CNTNAP5: variants seen among roughly 807,000 people sequenced by gnomAD.
The protein encoded by CNTNAP5 is contactin-associated protein-like 5.
CNTNAP5 carries 72 observed loss-of-function variants against 150.2 expected under a neutral mutation model. The observed-to-expected ratio is 0.48, with a 90% CI of 0.40 to 0.58. The LOEUF is 0.58. CNTNAP5 is among the 20% of genes least tolerant of loss of function. The pLI, the probability that CNTNAP5 is intolerant of heterozygous loss-of-function variation, is 0.00. For synonymous variants in CNTNAP5, 672 were observed against 619.8 expected, an observed-to-expected ratio of 1.08 and a Z score of -1.25; for missense variants, 1,636 against 1,626.2, an observed-to-expected ratio of 1.01 and a Z score of -0.10.
intron 4 of CNTNAP5, among the ~76,000 whole-genome samples, chr2:124,428,444 A>G (rs141116711): frequency 6.6e-6 from 1 of 152,270 alleles, no homozygotes; most frequent in African/African-American, 2.4e-5. Flanking sequence ...ATAAAAAAGG[A>G]TAGAGGGTTT....
At chr2:124,552,450 A>G (rs1395525498) in intron 10 of CNTNAP5, among the ~76,000 whole-genome samples, 1 of 152,188 alleles carries the variant, frequency 6.6e-6, no homozygotes, top group Non-Finnish European at 1.5e-5. Flanking sequence ...TGGATTGCCC[A>G]CGCTCAGATA....
intron 7 of CNTNAP5, among the ~76,000 whole-genome samples, chr2:124,485,351 C>T (rs545475256): frequency 2.0e-5 from 3 of 152,190 alleles, no homozygotes; most frequent in South Asian, 4.2e-4. Context: ...CGGTGGCTCA[C>T]GCCTGTAATC....
At chr2:124,387,513 C>T (rs1573959962) in intron 3 of CNTNAP5, among the ~76,000 whole-genome samples, 3 of 152,076 alleles carry the variant, frequency 2.0e-5, no homozygotes, top group South Asian at 4.2e-4. Context: ...TTGGGTTAGG[C>T]GGTGAAGTTA....
intron 12 of CNTNAP5, among the ~76,000 whole-genome samples, chr2:124,638,444 T>G (rs928601098): frequency 6.6e-6 from 1 of 152,148 alleles, no homozygotes; most frequent in Non-Finnish European, 1.5e-5. Flanking sequence ...AGAATACTAT[T>G]TGAAAGTTGC....
At chr2:124,306,457 G>A (rs891353183) in intron 3 of CNTNAP5, among the ~76,000 whole-genome samples, 4 of 152,150 alleles carry the variant, frequency 2.6e-5, no homozygotes, top group African/African-American at 7.2e-5. Context: ...AATGGTCAGA[G>A]AGTTAATGAC....
chr2:124,085,287 T>G (rs982701930), intron 1 of CNTNAP5, among the ~76,000 whole-genome samples: 3 of 152,144 alleles, frequency 2.0e-5, no homozygotes, highest in Non-Finnish European at 4.4e-5. Flanking sequence ...TGTGATATTT[T>G]GTATTTCTTT....
At position 124,040,132 on chromosome 2, in the gene CNTNAP5, C is replaced by T. The variant is rs866959010; in HGVS notation, c.82+14400C>T. Among the ~76,000 whole-genome samples, 4 of 152,196 alleles carry T rather than the reference C, an allele frequency of 2.6e-5. No homozygotes were observed. In the Middle Eastern group the frequency reaches 0.01, roughly 388 times the overall value. On this transcript the variant is annotated intron_variant, in intron 1 of 23. Transcript: ENST00000682447. The stretch of plus-strand genomic sequence containing the variant: ...TGGGAGGTGTGCAGACATGCTCCAC[C>T]GTGTCTGCTTGTTTCAGGGTGGCGT...
intron 13 of CNTNAP5, among the ~76,000 whole-genome samples, chr2:124,723,961 A>G (rs528461579): frequency 6.6e-6 from 1 of 152,124 alleles, no homozygotes; most frequent in Non-Finnish European, 1.5e-5. Context: ...CTGGCAAAAC[A>G]TGGTGAAATC....
chr2:124,257,937 T>C (rs1687354789), intron 3 of CNTNAP5, among the ~76,000 whole-genome samples: 1 of 152,170 alleles, frequency 6.6e-6, no homozygotes, highest in Admixed American at 6.6e-5. Context: ...TAAAATTACT[T>C]TTCCATCATT....
chr2:124,480,542 G>A (rs758794027), intron 7 of CNTNAP5, among the ~76,000 whole-genome samples: 28 of 152,126 alleles, frequency 1.8e-4, no homozygotes, highest in South Asian at 1.5e-3. Context: ...ACACACACAC[G>A]TAGTGACAGG....
At chr2:124,536,512 G>A (rs963949382) in intron 10 of CNTNAP5, among the ~76,000 whole-genome samples, 1 of 152,084 alleles carries the variant, frequency 6.6e-6, no homozygotes, top group Non-Finnish European at 1.5e-5. Context: ...ACGTTGTTCG[G>A]TGATCGCCGT....
At position 124,853,537 on chromosome 2, in the gene CNTNAP5, C is replaced by T. The variant is rs1677274550; in HGVS notation, c.3218-11769C>T. Among the ~76,000 whole-genome samples, 3 of 152,324 alleles carry T rather than the reference C, an allele frequency of 2.0e-5. No homozygotes were observed. The South Asian group carries it at 6.2e-4, about 32-fold the overall frequency. On this transcript the variant is annotated intron_variant, in intron 19 of 23. Coordinates refer to ENST00000682447, the MANE Select transcript of CNTNAP5 (RefSeq NM_001367498.1). ...CTTCAGGTACGGTGAGATCCAGCTACATCACTCTGTTTACATCATAGTTAA... is the reference window on the plus strand; with the variant it reads ...CTTCAGGTACGGTGAGATCCAGCTATATCACTCTGTTTACATCATAGTTAA...
Position 124,869,678 on chromosome 2 carries a change from G to C in CNTNAP5, c.3352G>C (p.Asp1118His), listed in dbSNP as rs1362032564. The change falls in exon 21 of 24, where the codon GAC (aspartate) becomes CAC (histidine). Residue 1118 changes from aspartate (D) to histidine (H), a missense_variant. Asp to His is a moderately conservative substitution (Grantham distance 81, BLOSUM62 -1). Transcript: ENST00000682447. Reference protein sequence around the residue: ...REGRELTIQMDQQLRLSYNFS... With the variant: ...REGRELTIQMHQQLRLSYNFS... ...TTTGTTTTCTGTTTTCCTGCAGATG[G>C]ACCAGCAACTTCGACTCAGTTATAA... is the stretch of plus-strand genomic sequence containing the variant. 6.2e-7 allele frequency: 1 copy of C among 1,609,550 alleles called. No homozygotes were observed. The highest frequency in any genetic ancestry group is 1.3e-5 in the African/African-American group (1 of 74,744).
intron 1 of CNTNAP5, among the ~76,000 whole-genome samples, chr2:124,039,553 G>A (rs899299671): frequency 6.6e-6 from 1 of 152,172 alleles, no homozygotes; most frequent in African/African-American, 2.4e-5. Flanking sequence ...AGTAATGTGA[G>A]TAGAAGTGAT....
intron 21 of CNTNAP5, among the ~76,000 whole-genome samples, chr2:124,900,667 C>A (rs1678397903): frequency 6.6e-6 from 1 of 151,620 alleles, no homozygotes; most frequent in African/African-American, 2.4e-5. Flanking sequence ...AGGACCTGGA[C>A]ACTATGTAGG....
At chr2:124,088,066 A>G (rs1025516763) in intron 1 of CNTNAP5, among the ~76,000 whole-genome samples, 10 of 152,154 alleles carry the variant, frequency 6.6e-5, no homozygotes, top group African/African-American at 2.4e-4. Context: ...AACTCTGATG[A>G]CACAAATTTT....
At chr2:124,036,251 C>A (rs868074205) in intron 1 of CNTNAP5, among the ~76,000 whole-genome samples, 6 of 152,044 alleles carry the variant, frequency 3.9e-5, no homozygotes, top group Non-Finnish European at 7.4e-5. Flanking sequence ...AATCTGTGAA[C>A]CGCATATTAT....
chr2:124,197,601 G>A (rs941567571), intron 1 of CNTNAP5, among the ~76,000 whole-genome samples: 1 of 152,166 alleles, frequency 6.6e-6, no homozygotes, highest in African/African-American at 2.4e-5. Context: ...ACCTAGCAAT[G>A]GGATTTCTTG....
Position 124,878,701 on chromosome 2 carries a change from C to CTT in CNTNAP5, c.3436+8950_3436+8951dup, listed in dbSNP as rs547474489. On this transcript the variant is annotated intron_variant, in intron 21 of 23. Coordinates refer to ENST00000682447, the MANE Select transcript of CNTNAP5 (RefSeq NM_001367498.1). ...TTATTTTTTTATTTGTTGTTCTTTT[C>CTT]TTTTTTTTTTTTGGAGATGGAGTCT... Among the ~76,000 whole-genome samples the CTT allele has an allele frequency of 5.7e-3, 818 of 143,812 alleles. 11 individuals carry two copies. Among genetic ancestry groups the CTT allele is most frequent in the African/African-American group, 0.02 (784 of 39,336 alleles). 94.3% of individuals were successfully genotyped at this position (143,812 alleles called of 152,430 possible). A position where few individuals can be genotyped will look rare whatever the true frequency, so the allele number is the denominator to read the frequency against.
Sources: allele counts gnomAD v4.1 joint callset (sites outside exome capture counted in the v4.1 genomes callset), GRCh38; gene constraint gnomAD v4.1.1; transcripts MANE v1.5; gene names NCBI Gene and HGNC (gene_info 2026-07-23, HGNC 2026-07-21).